Variants in SCAPER observed in about 807,000 individuals in gnomAD.
The protein encoded by SCAPER is S phase cyclin A-associated protein in the endoplasmic reticulum.
In SCAPER, 98 loss-of-function variants were observed where a neutral mutation model predicts 182.2. The ratio of observed to expected loss-of-function variants is 0.54; its 90% CI spans 0.46 to 0.64. The LOEUF is 0.64. Among genes scored for constraint, SCAPER ranks in the 30% least tolerant of loss-of-function variants. The pLI is 0.00. For synonymous variants in SCAPER, 605 were observed against 564.6 expected, an observed-to-expected ratio of 1.07 and a Z score of -1.01; for missense variants, 1,432 against 1,690.0, an observed-to-expected ratio of 0.85 and a Z score of 2.68.
At chr15:76,846,124 G>T (rs1308655804) in intron 4 of SCAPER, among the ~76,000 whole-genome samples, 1 of 152,066 alleles carries the variant, frequency 6.6e-6, no homozygotes, top group East Asian at 1.9e-4. Context: ...AAATGGTGCT[G>T]GGAAAACCGG....
chr15:76,765,363 T>C lies in SCAPER; in HGVS notation c.1587A>G (p.Glu529=), dbSNP rs765455584. The C allele has an allele frequency of 1.9e-6, 3 of 1,613,448 alleles. No individual in the cohort carries two copies. The highest frequency in any genetic ancestry group is 2.2e-5 in the East Asian group (1 of 44,866). The change falls in exon 13 of 32, where the codon GAA becomes GAG. Residue 529 remains glutamate (E), a synonymous_variant. Coordinates refer to ENST00000563290, the MANE Select transcript of SCAPER (RefSeq NM_020843.4). ...RPPGHGIHMH[E]KLSSPSRKRT... is the part of the protein sequence containing the mutation. ...TTTTACGAGAGGGTGAAGAAAGTTT[T>C]TCATGCATGTGAATTCCATGCCCTG...
intron 17 of SCAPER, among the ~76,000 whole-genome samples, chr15:76,725,515 A>T (rs904384953): frequency 3.9e-5 from 6 of 152,106 alleles, no homozygotes; most frequent in African/African-American, 1.4e-4. Context: ...TAAAAAATGC[A>T]CATGAATCTC....
intron 17 of SCAPER, among the ~76,000 whole-genome samples, chr15:76,709,705 A>G (rs946100035): frequency 6.6e-6 from 1 of 152,252 alleles, no homozygotes; most frequent in Non-Finnish European, 1.5e-5. Context: ...CTGTAAGGCC[A>G]GAATTGCCAT....
intron 4 of SCAPER, among the ~76,000 whole-genome samples, chr15:76,846,664 C>T (rs2070120892): frequency 6.6e-6 from 1 of 152,100 alleles, no homozygotes; most frequent in Non-Finnish European, 1.5e-5. Context: ...CATCTCACCC[C>T]AGTTAAAATG....
At chr15:76,615,428 G>C (rs2051364904) in intron 22 of SCAPER, among the ~76,000 whole-genome samples, 1 of 150,284 alleles carries the variant, frequency 6.7e-6, no homozygotes, top group Admixed American at 6.6e-5. Context: ...CTTGGCAACA[G>C]AGCAAGAGTC....
chr15:76,553,980 C>G (rs2045984138), intron 23 of SCAPER, among the ~76,000 whole-genome samples: 1 of 152,206 alleles, frequency 6.6e-6, no homozygotes, highest in Admixed American at 6.5e-5. Flanking sequence ...TGACCAGGCT[C>G]AAACGGCTGA....
chr15:76,796,611 A>G (rs1047120828), intron 7 of SCAPER, among the ~76,000 whole-genome samples: 14 of 152,222 alleles, frequency 9.2e-5, no homozygotes, highest in Admixed American at 9.2e-4. Flanking sequence ...GATAATGAAG[A>G]CTGAATTAAC....
intron 6 of SCAPER, among the ~76,000 whole-genome samples, chr15:76,804,035 A>G (rs2065965384): frequency 6.6e-6 from 1 of 152,162 alleles, no homozygotes; most frequent in Non-Finnish European, 1.5e-5. Flanking sequence ...ATACATTAAG[A>G]AGAAATACTG....
At chr15:76,549,781 C>G (rs2045604020) in intron 23 of SCAPER, among the ~76,000 whole-genome samples, 1 of 151,622 alleles carries the variant, frequency 6.6e-6, no homozygotes, top group Non-Finnish European at 1.5e-5. Flanking sequence ...GAAACTAGAC[C>G]CCTATCTCTC....
intron 29 of SCAPER, among the ~76,000 whole-genome samples, chr15:76,375,420 G>T (rs1021785844): frequency 6.6e-6 from 1 of 152,010 alleles, no homozygotes; most frequent in African/African-American, 2.4e-5. Flanking sequence ...CACCTAGGCA[G>T]AAGCCAGGAG....
At chr15:76,813,543 T>C (rs138795723) in intron 5 of SCAPER, among the ~76,000 whole-genome samples, 3 of 151,962 alleles carry the variant, frequency 2.0e-5, no homozygotes, top group African/African-American at 4.8e-5. Context: ...TTGAATTGAT[T>C]CTATATGCAG....
intron 23 of SCAPER, among the ~76,000 whole-genome samples, chr15:76,519,902 A>G (rs1001151363): frequency 4.6e-5 from 7 of 152,096 alleles, no homozygotes; most frequent in African/African-American, 9.7e-5. Flanking sequence ...TTTCATTTCT[A>G]TTTCATTCAA....
At chr15:76,664,349 C>G (rs1326774231) in intron 21 of SCAPER, among the ~76,000 whole-genome samples, 1 of 152,108 alleles carries the variant, frequency 6.6e-6, no homozygotes, top group Non-Finnish European at 1.5e-5. Flanking sequence ...TAAAGCAAAG[C>G]TAACATTTGC....
At chr15:76,399,464 A>T (rs1385670010) in intron 27 of SCAPER, among the ~76,000 whole-genome samples, 3 of 152,214 alleles carry the variant, frequency 2.0e-5, no homozygotes, top group African/African-American at 7.2e-5. Context: ...GTCCCATTAC[A>T]GACTATTGAA....
At chr15:76,672,526 G>T (rs184684357) in intron 20 of SCAPER, among the ~76,000 whole-genome samples, 8 of 151,832 alleles carry the variant, frequency 5.3e-5, no homozygotes, top group Admixed American at 1.3e-4. Flanking sequence ...CAATAATTAG[G>T]TCTTAAAACT....
At chr15:76,406,970 C>T (rs545080024) in intron 26 of SCAPER, among the ~76,000 whole-genome samples, 1 of 152,152 alleles carries the variant, frequency 6.6e-6, no homozygotes, top group African/African-American at 2.4e-5. Context: ...TATCTTTCCA[C>T]TGGGGATATC....
chr15:76,597,372 C>A lies in SCAPER; in HGVS notation c.2712-23088G>T, dbSNP rs1296451362. Among the ~76,000 whole-genome samples, 7 of 121,762 alleles carry A rather than the reference C, an allele frequency of 5.7e-5. 2 individuals are homozygous for A. Among genetic ancestry groups the A allele is most frequent in the Non-Finnish European group, 1.0e-4 (5 of 49,994 alleles). The allele number at this position is 121,762 out of a possible 152,430, so 79.9% of individuals were successfully genotyped here. ...AAGAATCAAATCATGAAAATGGCCA[C>A]ACTGCCAAAAGTAATTTACAGATTC... On this transcript the variant is annotated intron_variant, in intron 22 of 31. Transcript: ENST00000563290.
intron 22 of SCAPER, among the ~76,000 whole-genome samples, chr15:76,579,824 A>G (rs1014280973): frequency 2.0e-5 from 3 of 152,166 alleles, no homozygotes; most frequent in African/African-American, 7.2e-5. Context: ...AAAGGGATGG[A>G]AAAAGATATT....
intron 21 of SCAPER, among the ~76,000 whole-genome samples, chr15:76,665,272 A>G (rs372853623): frequency 1.3e-5 from 2 of 152,302 alleles, no homozygotes; most frequent in East Asian, 3.9e-4. Context: ...GGGATTTGAC[A>G]CTACAGCCAG....
Sources: gnomAD v4.1 joint callset for allele counts (sites outside exome capture counted in the v4.1 genomes callset) on GRCh38, gnomAD v4.1.1 for gene constraint, MANE v1.5 for transcripts, NCBI Gene and HGNC (gene_info 2026-07-23, HGNC 2026-07-21) for gene names.